Variants in ACSM1 observed in about 807,000 individuals in gnomAD.
ACSM1 encodes the protein acyl-coenzyme A synthetase ACSM1, mitochondrial.
A neutral mutation model predicts 75.8 loss-of-function variants in ACSM1; 79 were observed. The observed-to-expected ratio is 1.04, with a 90% confidence interval of 0.87 to 1.26. The LOEUF (loss-of-function observed/expected upper bound fraction) is 1.26, where lower values mean the gene tolerates loss of function less well. ACSM1 is among the 50% of genes most tolerant of loss of function. ACSM1 has a pLI of 0.00. For synonymous variants in ACSM1, 279 were observed against 265.8 expected (o/e 1.05, Z -0.48); for missense variants, 676 against 720.1 (o/e 0.94, Z 0.70).
At position 20,648,532 on chromosome 16, in the gene ACSM1, A is replaced by C. The variant is rs1346423599; in HGVS notation, c.993-7948T>G. Among the ~76,000 whole-genome samples, 1 of 152,184 alleles carries C rather than the reference A, an allele frequency of 6.6e-6. No homozygotes were observed. Among genetic ancestry groups the C allele is most frequent in the African/African-American group, 2.4e-5 (1 of 41,456 alleles). On this transcript the variant is annotated intron_variant, in intron 7 of 13. Coordinates refer to ENST00000520010, the MANE Select transcript of ACSM1 (RefSeq NM_001318890.3). This position sits in a 1 kb window ranked among gnomAD's most constrained non-coding sequence, Gnocchi z 4.2. ...GGAAATGGGTGGTTGGATGTACCTCATTATACCCTCCTTCCTTTGGAATTC... is the reference window on the plus strand; with the variant it reads ...GGAAATGGGTGGTTGGATGTACCTCCTTATACCCTCCTTCCTTTGGAATTC...
chr16:20,666,506 G>C (rs1393822519), intron 6 of ACSM1, among the ~76,000 whole-genome samples: 1 of 152,154 alleles, frequency 6.6e-6, no homozygotes, highest in Non-Finnish European at 1.5e-5. Flanking sequence ...AAGATTCCAT[G>C]CTCATATATT....
At chr16:20,645,397 A>G (rs1354737271) in intron 7 of ACSM1, among the ~76,000 whole-genome samples, 1 of 152,170 alleles carries the variant, frequency 6.6e-6, no homozygotes, top group Admixed American at 6.5e-5. Context: ...AAACACCCCT[A>G]AGATGTATTC....
intron 4 of ACSM1, among the ~76,000 whole-genome samples, chr16:20,677,807 T>A (rs2152294115): frequency 6.6e-6 from 1 of 152,050 alleles, no homozygotes; most frequent in South Asian, 2.1e-4. Context: ...AAAAGACAAA[T>A]ATTTACACAG....
At chr16:20,623,984 G>T (rs2016761920) in intron 13 of ACSM1, 112 bp downstream of exon 13, 2 of 1,479,706 alleles carry the variant, frequency 1.4e-6, no homozygotes, top group African/African-American at 1.4e-5. Context: ...AGAGCCTTCA[G>T]TGTTGTAAAC....
intron 1 of ACSM1, among the ~76,000 whole-genome samples, chr16:20,695,807 A>C (rs2079687022): frequency 6.6e-6 from 1 of 152,112 alleles, no homozygotes; most frequent in Non-Finnish European, 1.5e-5. Context: ...GTTAAGCTTC[A>C]TTTCTAAATC....
intron 1 of ACSM1, among the ~76,000 whole-genome samples, chr16:20,691,550 C>T (rs1039621811): frequency 2.0e-5 from 3 of 152,078 alleles, no homozygotes; most frequent in African/African-American, 7.2e-5. Flanking sequence ...TAGAGCAACT[C>T]GCCTTTTGGA....
At chr16:20,635,060 T>C (rs1251630209) in intron 10 of ACSM1, among the ~76,000 whole-genome samples, 2 of 151,902 alleles carry the variant, frequency 1.3e-5, no homozygotes, top group South Asian at 4.2e-4. Flanking sequence ...TGTGGGTATA[T>C]GTTAGGAGTT....
At chr16:20,639,569 A>G (rs2017927662) in intron 8 of ACSM1, among the ~76,000 whole-genome samples, 1 of 151,790 alleles carries the variant, frequency 6.6e-6, no homozygotes, top group Admixed American at 6.6e-5. Flanking sequence ...ACGCCCTTAG[A>G]CCCCTTTTTA....
intron 7 of ACSM1, among the ~76,000 whole-genome samples, chr16:20,645,892 A>C (rs12929314): frequency 1.3e-5 from 2 of 152,166 alleles, no homozygotes; most frequent in African/African-American, 4.8e-5. Context: ...TCTTCTGGAG[A>C]GACAAAGGGA....
chr16:20,635,245 A>C (rs1350978562), intron 10 of ACSM1, among the ~76,000 whole-genome samples: 1 of 152,134 alleles, frequency 6.6e-6, no homozygotes, highest in Admixed American at 6.5e-5. Context: ...AAATCAAAAA[A>C]TTAGCTGGGC....
chr16:20,655,174 C>T (rs2018883602), intron 7 of ACSM1, among the ~76,000 whole-genome samples: 1 of 147,188 alleles, frequency 6.8e-6, no homozygotes, highest in Non-Finnish European at 1.5e-5. Context: ...TGCATGTTCT[C>T]CCTCATAGGT....
intron 11 of ACSM1, among the ~76,000 whole-genome samples, chr16:20,626,189 C>T (rs1417900020): frequency 1.3e-5 from 2 of 151,792 alleles, no homozygotes. Flanking sequence ...AGTTCAAGAC[C>T]AGGCTGGCCA....
chr16:20,677,302 G>GT (rs2020348006), intron 4 of ACSM1, among the ~76,000 whole-genome samples: 1 of 151,514 alleles, frequency 6.6e-6, no homozygotes. Flanking sequence ...TTATCTTCTT[G>GT]TATGCCCATA....
At chr16:20,634,184 G>T (rs145228750) in intron 10 of ACSM1, among the ~76,000 whole-genome samples, 1 of 152,182 alleles carries the variant, frequency 6.6e-6, no homozygotes, top group Non-Finnish European at 1.5e-5. Flanking sequence ...GCAAAATAAT[G>T]AAGTTACCTT....
In ACSM1 at chr16:20,672,402, T is replaced by G. The variant is rs149364872; in HGVS notation, c.612-731A>C. ...AGGCTGAGCTTGCAGTGAGCCGAGA[T>G]CAAACCACTACACTCCAGCCTGGGT... On this transcript the variant is annotated intron_variant, in intron 4 of 13. Coordinates refer to ENST00000520010, the MANE Select transcript of ACSM1 (RefSeq NM_001318890.3). Among the ~76,000 whole-genome samples the G allele has an allele frequency of 7.5e-4, 83 of 111,140 alleles. 1 individual carries two copies. In the East Asian group the frequency reaches 0.022, roughly 30 times the overall value. 72.9% of individuals were successfully genotyped at this position (111,140 alleles called of 152,430 possible).
intron 4 of ACSM1, among the ~76,000 whole-genome samples, chr16:20,676,626 G>A (rs540043048): frequency 3.9e-5 from 6 of 152,270 alleles, no homozygotes; most frequent in Middle Eastern, 3.4e-3. Flanking sequence ...AAGCTGATCA[G>A]AGGCTTAACA....
chr16:20,684,892 C>T (rs2079518371), intron 3 of ACSM1, among the ~76,000 whole-genome samples: 1 of 151,896 alleles, frequency 6.6e-6, no homozygotes, highest in Non-Finnish European at 1.5e-5. Context: ...TGGCACTGCA[C>T]TTGAGAGTGT....
chr16:20,691,749 CAATGTG>C (rs1307986081), intron 1 of ACSM1, among the ~76,000 whole-genome samples: 6 of 122,486 alleles, frequency 4.9e-5, no homozygotes, highest in African/African-American at 2.0e-4. Context: ...AATACCTCTC[CAATGTG>C]TGTGTGTGTG....
Position 20,682,368 on chromosome 16 carries a change from C to T in ACSM1, c.499G>A (p.Ala167Thr), listed in dbSNP as rs1436475874. Residue 167 changes from alanine to threonine, a missense_variant, in exon 4 of 14, where the codon GCC (alanine) becomes ACC (threonine). Physicochemically the swap from Ala to Thr is moderately conservative, Grantham distance 58. Transcript: ENST00000520010. ...SKAKGIVTIDALASEVDSIAS... is the reference protein window; with the variant it reads ...SKAKGIVTIDTLASEVDSIAS... ...ATGGAGTCCACCTCTGAGGCAAGGG[C>T]ATCTATGGTCACAATGCCCTTGGCT... The T allele has an allele frequency of 1.9e-6, 3 of 1,614,076 alleles. 1 individual carries two copies. In the South Asian group the frequency reaches 3.3e-5, roughly 18 times the overall value.
Sources: allele counts gnomAD v4.1 joint callset (sites outside exome capture counted in the v4.1 genomes callset), GRCh38; gene constraint gnomAD v4.1.1; non-coding constraint Gnocchi (gnomAD v3.1); transcripts MANE v1.5; gene names NCBI Gene and HGNC (gene_info 2026-07-23, HGNC 2026-07-21).